AUTS2: variants seen among roughly 807,000 people sequenced by gnomAD.
AUTS2 encodes the protein activator of transcription and developmental regulator AUTS2, also known as autism susceptibility gene 2 protein.
Under a neutral mutation model 112.4 loss-of-function variants are expected in AUTS2, and 17 were observed. The ratio of observed to expected loss-of-function variants is 0.15; its 90% CI spans 0.10 to 0.23. The LOEUF (loss-of-function observed/expected upper bound fraction) is 0.23. Ranked by LOEUF, AUTS2 falls within the 10% of genes least tolerant of loss-of-function variation. The pLI is 1.00. For missense variants in AUTS2, 1,510 were observed against 1,701.6 expected (o/e 0.89, Z 1.98); for synonymous variants, 751 against 702.7 (o/e 1.07, Z -1.09).
In AUTS2 at chr7:69,720,132, G is replaced by A. The variant is rs536238681; in HGVS notation, c.309+120170G>A. Among the ~76,000 whole-genome samples the A allele has an allele frequency of 3.9e-5, 6 of 152,302 alleles. No individual in the cohort carries two copies. The South Asian group carries it at 8.3e-4, about 21-fold the overall frequency. ...GCATGGTAATGTGTGTAAGAAAATGGAAAGCTGATGGGTTGGCTACCTGAA... is the reference window on the plus strand; with the variant it reads ...GCATGGTAATGTGTGTAAGAAAATGAAAAGCTGATGGGTTGGCTACCTGAA... On this transcript the variant is annotated intron_variant, in intron 1 of 18. Transcript: ENST00000342771.
chr7:69,918,733 A>G (rs1481401161), intron 2 of AUTS2, among the ~76,000 whole-genome samples: 1 of 152,198 alleles, frequency 6.6e-6, no homozygotes, highest in African/African-American at 2.4e-5. Flanking sequence ...ATTATTCCGT[A>G]TTTTGTTTCC....
chr7:69,849,688 A>G (rs575980303), intron 1 of AUTS2, among the ~76,000 whole-genome samples: 2 of 152,186 alleles, frequency 1.3e-5, no homozygotes, highest in African/African-American at 4.8e-5. Context: ...ACATTAAATC[A>G]TACAGTACAT....
chr7:70,337,645 G>A (rs1239373144), intron 4 of AUTS2, among the ~76,000 whole-genome samples: 1 of 152,312 alleles, frequency 6.6e-6, no homozygotes, highest in African/African-American at 2.4e-5. Flanking sequence ...CTGAACACAG[G>A]TTTTATGAAA....
At chr7:70,474,015 C>T (rs538131592) in intron 5 of AUTS2, among the ~76,000 whole-genome samples, 6 of 152,206 alleles carry the variant, frequency 3.9e-5, no homozygotes, top group African/African-American at 1.4e-4. Context: ...CTTTGCAGCC[C>T]CAACTCTTTT....
At chr7:69,699,238 G>T (rs1797693567) in intron 1 of AUTS2, among the ~76,000 whole-genome samples, 1 of 152,058 alleles carries the variant, frequency 6.6e-6, no homozygotes, top group African/African-American at 2.4e-5. Context: ...GATCCCAAAA[G>T]CAAAATTGTA....
chr7:69,671,417 G>T (rs1335491878), intron 1 of AUTS2, among the ~76,000 whole-genome samples: 1 of 151,812 alleles, frequency 6.6e-6, no homozygotes, highest in African/African-American at 2.4e-5. Flanking sequence ...GTACTATAAG[G>T]TGATACTTAG....
chr7:69,716,488 C>A (rs1353591544), intron 1 of AUTS2, among the ~76,000 whole-genome samples: 1 of 152,086 alleles, frequency 6.6e-6, no homozygotes, highest in African/African-American at 2.4e-5. Context: ...AGGTGTTTTT[C>A]TTATTCTCAG....
chr7:70,594,663 T>C (rs1803107066), intron 5 of AUTS2, among the ~76,000 whole-genome samples: 2 of 152,176 alleles, frequency 1.3e-5, no homozygotes, highest in Admixed American at 1.3e-4. Context: ...TCTCCTACTT[T>C]GATAGTTTCC....
chr7:70,400,665 A>G (rs762601375), intron 4 of AUTS2, among the ~76,000 whole-genome samples: 6 of 152,132 alleles, frequency 3.9e-5, no homozygotes, highest in Non-Finnish European at 8.8e-5. Context: ...CACACCTTAT[A>G]TAGGAGGTTG....
chr7:70,642,992 T>C lies in AUTS2; in HGVS notation c.691-55577T>C, dbSNP rs959750702. 2.0e-5 allele frequency among the ~76,000 whole-genome samples: 3 copies of C among 152,352 alleles called. 1 individual carries two copies. Among genetic ancestry groups the C allele is most frequent in the South Asian group, 4.1e-4 (2 of 4,826 alleles). ...CCCACCCTGAAGGGCATGTGAAATGTTACGACCACCCTTCTTGATTTTTGA... is the reference window on the plus strand; with the variant it reads ...CCCACCCTGAAGGGCATGTGAAATGCTACGACCACCCTTCTTGATTTTTGA... On this transcript the variant is annotated intron_variant, in intron 5 of 18. Coordinates refer to ENST00000342771, the MANE Select transcript of AUTS2 (RefSeq NM_015570.4).
intron 2 of AUTS2, among the ~76,000 whole-genome samples, chr7:70,004,389 A>G (rs1373634185): frequency 9.3e-6 from 1 of 108,090 alleles, no homozygotes; most frequent in African/African-American, 3.6e-5. Context: ...TATATATTAT[A>G]TATATGAATA....
intron 4 of AUTS2, among the ~76,000 whole-genome samples, chr7:70,213,810 A>G (rs1811042325): frequency 6.6e-6 from 1 of 152,242 alleles, no homozygotes; most frequent in African/African-American, 2.4e-5. Context: ...CTGAGTTTTA[A>G]TTCTCAGGCT....
chr7:70,117,125 T>TA (rs1805414250), intron 2 of AUTS2, among the ~76,000 whole-genome samples: 1 of 122,694 alleles, frequency 8.2e-6, no homozygotes, highest in South Asian at 2.7e-4. Context: ...TTGTTTTTTT[T>TA]TGTTTTTTTT....
intron 2 of AUTS2, among the ~76,000 whole-genome samples, chr7:70,089,304 T>C (rs907458382): frequency 1.3e-5 from 2 of 152,132 alleles, no homozygotes; most frequent in Admixed American, 6.5e-5. Flanking sequence ...TTGCTTCACT[T>C]ATTTTGAAGC....
intron 5 of AUTS2, among the ~76,000 whole-genome samples, chr7:70,634,530 G>C (rs1024387296): frequency 6.6e-6 from 1 of 152,202 alleles, no homozygotes; most frequent in Non-Finnish European, 1.5e-5. Flanking sequence ...GCCCTCTAGA[G>C]TGCATGCATT....
intron 5 of AUTS2, among the ~76,000 whole-genome samples, chr7:70,516,834 T>C (rs1799436963): frequency 6.6e-6 from 1 of 152,216 alleles, no homozygotes; most frequent in Admixed American, 6.5e-5. Context: ...CATATGAGAT[T>C]CTATTTTAAT....
chr7:69,626,641 A>T (rs1336744498), intron 1 of AUTS2, among the ~76,000 whole-genome samples: 3 of 152,222 alleles, frequency 2.0e-5, no homozygotes. Context: ...TGCTCAAAGT[A>T]TCAAGTGAAC....
At position 70,224,309 on chromosome 7, in the gene AUTS2, TAATAC is replaced by T. The variant is rs1312144328; in HGVS notation, c.660+89750_660+89754del. 2.4e-3 allele frequency among the ~76,000 whole-genome samples: 355 copies of T among 150,434 alleles called. 1 individual carries two copies. The highest frequency in any genetic ancestry group is 8.0e-3 in the African/African-American group (328 of 40,788). ...CAGAGTGAAGCCCTGTCTCAAAGTATAATACAATACAATACAGTACAGTACAATAC... is the reference window on the plus strand; with the variant it reads ...CAGAGTGAAGCCCTGTCTCAAAGTATAATACAATACAGTACAGTACAATAC... On this transcript the variant is annotated intron_variant, in intron 4 of 18. Transcript: ENST00000342771.
At position 70,578,077 on chromosome 7, in the gene AUTS2, G is replaced by T. The variant is rs748562375; in HGVS notation, c.691-120492G>T. On this transcript the variant is annotated intron_variant, in intron 5 of 18. Coordinates refer to ENST00000342771, the MANE Select transcript of AUTS2 (RefSeq NM_015570.4). ...AGTCTCCTGAACTTGTGATCTGCCCGCCTCGGCCTCTCAAAGTGCTGGGAT... is the reference window on the plus strand; with the variant it reads ...AGTCTCCTGAACTTGTGATCTGCCCTCCTCGGCCTCTCAAAGTGCTGGGAT... Among the ~76,000 whole-genome samples, 15 of 152,236 alleles carry T rather than the reference G, an allele frequency of 9.9e-5. No homozygotes were observed. In the South Asian group the frequency reaches 1.5e-3, roughly 15 times the overall value.
Sources: allele counts gnomAD v4.1 joint callset (sites outside exome capture counted in the v4.1 genomes callset), GRCh38; gene constraint gnomAD v4.1.1; transcripts MANE v1.5; gene names NCBI Gene and HGNC (gene_info 2026-07-23, HGNC 2026-07-21).